ELAVL2: variants seen among roughly 807,000 people sequenced by gnomAD.
ELAVL2 encodes the protein ELAV-like protein 2.
ELAVL2 carries 4 observed loss-of-function variants against 34.6 expected under a neutral mutation model. The ratio of observed to expected loss-of-function variants is 0.12; its 90% CI spans 0.06 to 0.26. The LOEUF is 0.26. ELAVL2 is among the 10% of genes least tolerant of loss of function. The pLI is 1.00. For missense variants in ELAVL2, 432 were observed against 442.8 expected (o/e 0.98, Z 0.22); for synonymous variants, 193 against 154.8 (o/e 1.25, Z -1.83).
upstream of ELAVL2, among the ~76,000 whole-genome samples, chr9:23,830,699 C>T (rs1407897248): frequency 6.7e-6 from 1 of 149,802 alleles, no homozygotes; most frequent in Non-Finnish European, 1.5e-5. Context: ...GATATTCAGA[C>T]TAAGATCTGT....
rs570586882 is a variant in ELAVL2 at position 23,755,607 on chromosome 9, A to G, written c.229+6399T>C. Among the ~76,000 whole-genome samples, 3 of 152,316 alleles carry G rather than the reference A, an allele frequency of 2.0e-5. No homozygotes were observed. In the East Asian group the frequency reaches 5.8e-4, roughly 29 times the overall value. On this transcript the variant is annotated intron_variant, in intron 2 of 6. Coordinates refer to ENST00000397312, the MANE Select transcript of ELAVL2 (RefSeq NM_004432.5). ...AATAGAGGTTCCACAAACTTGACAC[A>G]AATTTCATTTTATACAAACTTGGGC...
chr9:23,717,882 T>C (rs2042715908), intron 3 of ELAVL2, among the ~76,000 whole-genome samples: 1 of 152,158 alleles, frequency 6.6e-6, no homozygotes, highest in African/African-American at 2.4e-5. Flanking sequence ...TAATTACAGA[T>C]ACTCCCTGTC....
intron 1 of ELAVL2, among the ~76,000 whole-genome samples, chr9:23,796,691 C>T (rs564689867): frequency 3.9e-5 from 6 of 152,168 alleles, no homozygotes; most frequent in African/African-American, 7.2e-5. Context: ...CAAATCTATA[C>T]GTAGAGTTAG....
At chr9:23,780,189 A>C (rs1351434188) in intron 1 of ELAVL2, among the ~76,000 whole-genome samples, 1 of 151,964 alleles carries the variant, frequency 6.6e-6, no homozygotes, top group African/African-American at 2.4e-5. Flanking sequence ...CTGAGAACAG[A>C]TCAACAGTTG....
intron 2 of ELAVL2, among the ~76,000 whole-genome samples, chr9:23,741,083 A>G (rs750760648): frequency 6.6e-6 from 1 of 152,214 alleles, no homozygotes; most frequent in Non-Finnish European, 1.5e-5. Flanking sequence ...CAGGGGTTTC[A>G]GGCTTAACCA....
chr9:23,790,525 T>A (rs2060209382), intron 1 of ELAVL2, among the ~76,000 whole-genome samples: 1 of 152,124 alleles, frequency 6.6e-6, no homozygotes, highest in Non-Finnish European at 1.5e-5. Flanking sequence ...TGAAATAGTA[T>A]CCTTCATCTC....
chr9:23,844,328 C>G, the ELAVL2 span, among the ~76,000 whole-genome samples: 1 of 152,042 alleles, frequency 6.6e-6, no homozygotes, highest in Non-Finnish European at 1.5e-5. Flanking sequence ...CGGTGCCTAA[C>G]CCAGTAAGCA....
At chr9:23,768,294 C>T (rs2056694923) in intron 1 of ELAVL2, among the ~76,000 whole-genome samples, 1 of 152,152 alleles carries the variant, frequency 6.6e-6, no homozygotes, top group South Asian at 2.1e-4. Context: ...TCCCATCTCC[C>T]TTATTCAAGG....
intron 1 of ELAVL2, among the ~76,000 whole-genome samples, chr9:23,791,022 A>G (rs1440638849): frequency 2.6e-5 from 4 of 152,208 alleles, no homozygotes; most frequent in African/African-American, 9.6e-5. Flanking sequence ...TGTCTTCTAA[A>G]TATATGTTCT....
At chr9:23,714,005 T>C (rs2041689075) in intron 3 of ELAVL2, among the ~76,000 whole-genome samples, 1 of 152,198 alleles carries the variant, frequency 6.6e-6, no homozygotes, top group Non-Finnish European at 1.5e-5. Flanking sequence ...ACCTTACAAG[T>C]ATTAAATGCA....
chr9:23,813,192 A>T (rs1417187291), intron 1 of ELAVL2, among the ~76,000 whole-genome samples: 1 of 152,176 alleles, frequency 6.6e-6, no homozygotes, highest in Non-Finnish European at 1.5e-5. Context: ...TTATTGTAAA[A>T]TAAAATTACA....
At chr9:23,788,955 C>T (rs568978790) in intron 1 of ELAVL2, among the ~76,000 whole-genome samples, 1 of 152,288 alleles carries the variant, frequency 6.6e-6, no homozygotes, top group South Asian at 2.1e-4. Flanking sequence ...CCACAGTTGA[C>T]TGCAGGTAAC....
Position 23,704,928 on chromosome 9 carries a change from G to T in ELAVL2, c.477C>A (p.Asp159Glu), listed in dbSNP as rs1388995607. 3 of 1,613,954 alleles carry T rather than the reference G, an allele frequency of 1.9e-6. No individual in the cohort carries two copies. Among genetic ancestry groups the T allele is most frequent in the Non-Finnish European group, 2.5e-6 (3 of 1,179,990 alleles). ...GRIITSRILV[D>E]QVTGISRGVG... ...TGGCTGTCTACTTACCAGTGACCTG[G>T]TCGACAAGAATACGAGAAGTAATAA... Residue 159 changes from aspartate (D) to glutamate (E), a missense_variant, in exon 4 of 7, where the codon GAC (aspartate) becomes GAA (glutamate). Asp to Glu is a conservative substitution (Grantham distance 45). Around this residue, in one of 3 missense-constraint regions of ELAVL2, gnomAD observed 295 missense variants for 306.1 expected, o/e 0.96. Transcript: ENST00000397312.
chr9:23,751,343 T>C (rs1403002370), intron 2 of ELAVL2, among the ~76,000 whole-genome samples: 2 of 152,172 alleles, frequency 1.3e-5, no homozygotes, highest in Non-Finnish European at 2.9e-5. Context: ...TCTGCTAAGT[T>C]AACCATACCC....
At chr9:23,785,029 C>A (rs2059515599) in intron 1 of ELAVL2, among the ~76,000 whole-genome samples, 1 of 152,102 alleles carries the variant, frequency 6.6e-6, no homozygotes, top group African/African-American at 2.4e-5. Context: ...TCTAAGCAAA[C>A]CAGGAAATGA....
intron 1 of ELAVL2, among the ~76,000 whole-genome samples, chr9:23,810,379 T>TA (rs1315528392): frequency 2.0e-5 from 3 of 152,076 alleles, no homozygotes; most frequent in African/African-American, 7.2e-5. Context: ...CTAGGAGTGC[T>TA]ACAGGGACCA....
chr9:23,731,183 A>G, intron 2 of ELAVL2, 58 bp from the exon 3 acceptor site: 2 of 1,484,466 alleles, frequency 1.3e-6, no homozygotes, highest in Middle Eastern at 1.8e-4. Context: ...GACAGAGATC[A>G]ACTTTCATTT....
intron 3 of ELAVL2, among the ~76,000 whole-genome samples, chr9:23,727,075 A>C (rs118065329): frequency 2.6e-4 from 39 of 152,206 alleles, no homozygotes; most frequent in Non-Finnish European, 4.4e-4. Flanking sequence ...TGAGAATCTT[A>C]AAACATTTTT....
intron 1 of ELAVL2, among the ~76,000 whole-genome samples, chr9:23,764,420 G>C (rs969038983): frequency 1.3e-5 from 2 of 152,144 alleles, no homozygotes; most frequent in Non-Finnish European, 2.9e-5. Flanking sequence ...GCAGTAGGCT[G>C]TGTGCGCTGA....
Sources: gnomAD v4.1 joint callset for allele counts (sites outside exome capture counted in the v4.1 genomes callset) on GRCh38, gnomAD v4.1.1 for gene constraint, gnomAD v4.1.1 regional missense constraint, MANE v1.5 for transcripts, NCBI Gene and HGNC (gene_info 2026-07-23, HGNC 2026-07-21) for gene names.